The following SHANK2 variants were observed in gnomAD, a reference collection of about 807,000 sequenced individuals.
SHANK2 encodes the protein SH3 and multiple ankyrin repeat domains 2.
Under a neutral mutation model 133.7 loss-of-function variants are expected in SHANK2, and 43 were observed. The observed-to-expected ratio is 0.32, with a 90% CI of 0.25 to 0.41. The LOEUF (loss-of-function observed/expected upper bound fraction) is 0.41, where lower values mean the gene tolerates loss of function less well. SHANK2 is among the 10% of genes least tolerant of loss of function. SHANK2 has a pLI of 1.00. For missense variants in SHANK2, 1,994 were observed against 2,235.8 expected (o/e 0.89, Z 2.18); for synonymous variants, 1,017 against 952.8 (o/e 1.07, Z -1.24).
intron 21 of SHANK2, among the ~76,000 whole-genome samples, chr11:70,492,701 CCA>C (rs1157257503): frequency 2.0e-5 from 3 of 152,110 alleles, no homozygotes. Context: ...AGAAGACCCT[CCA>C]CAGCTCGGCC....
intron 14 of SHANK2, among the ~76,000 whole-genome samples, chr11:70,794,289 A>AC (rs1344629992): frequency 1.3e-5 from 2 of 151,674 alleles, no homozygotes; most frequent in East Asian, 1.9e-4. Context: ...AAAAAAAAAA[A>AC]AAAACAACAT....
At chr11:71,207,696 C>T (rs958799021) in intron 2 of SHANK2, among the ~76,000 whole-genome samples, 1 of 152,228 alleles carries the variant, frequency 6.6e-6, no homozygotes, top group Non-Finnish European at 1.5e-5. Flanking sequence ...CAGGACAGCA[C>T]TGACGCCAGG....
chr11:71,101,227 A>G (rs1359406419), intron 6 of SHANK2, among the ~76,000 whole-genome samples: 2 of 152,182 alleles, frequency 1.3e-5, no homozygotes, highest in African/African-American at 4.8e-5. Flanking sequence ...ACCCCAAGAC[A>G]GGCTCCTGTG....
At chr11:70,726,066 A>T (rs910975813) in intron 14 of SHANK2, among the ~76,000 whole-genome samples, 1 of 152,198 alleles carries the variant, frequency 6.6e-6, no homozygotes, top group Non-Finnish European at 1.5e-5. Context: ...AAGCTTCTCC[A>T]TGCTCAGCTG....
At chr11:71,239,878 C>T (rs1954867071) in intron 1 of SHANK2, among the ~76,000 whole-genome samples, 1 of 152,154 alleles carries the variant, frequency 6.6e-6, no homozygotes, top group South Asian at 2.1e-4. Flanking sequence ...CCAACCCACC[C>T]CAGGCCACTA....
chr11:70,739,864 C>T lies in SHANK2; in HGVS notation c.1778-41101G>A, dbSNP rs577565352. Among the ~76,000 whole-genome samples the T allele has an allele frequency of 2.0e-5, 3 of 152,204 alleles. No individual in the cohort carries two copies. Among genetic ancestry groups the T allele is most frequent in the Non-Finnish European group, 4.4e-5 (3 of 68,028 alleles). On this transcript the variant is annotated intron_variant, in intron 14 of 25. Transcript: ENST00000601538. This position sits in a 1 kb window ranked among gnomAD's most constrained non-coding sequence, Gnocchi z 4.3. The stretch of plus-strand genomic sequence containing the variant: ...GCACCAGGGAGGCACCCACAGAGGA[C>T]GGCCACGTGAAGACAGGCCAGAGCC...
chr11:70,613,640 T>C (rs1346658458), intron 17 of SHANK2, among the ~76,000 whole-genome samples: 2 of 152,076 alleles, frequency 1.3e-5, no homozygotes, highest in Non-Finnish European at 2.9e-5. Context: ...TCTCAGGAGG[T>C]GACCTTATTT....
chr11:70,903,391 T>TAAATA (rs61298155), intron 10 of SHANK2, among the ~76,000 whole-genome samples: 12,196 of 125,760 alleles, frequency 0.097, 958 homozygotes, highest in African/African-American at 0.19. Context: ...TAAAATAAAG[T>TAAATA]AAATAAAATA....
chr11:70,817,037 C>G (rs1342148581), intron 12 of SHANK2, among the ~76,000 whole-genome samples: 1 of 152,212 alleles, frequency 6.6e-6, no homozygotes, highest in Admixed American at 6.5e-5. Flanking sequence ...ACACTTCTGC[C>G]CCCCGAATGC....
At position 70,567,324 on chromosome 11, in the gene SHANK2, G is replaced by C. The variant is rs1281979689; in HGVS notation, c.2062-64393C>G. On this transcript the variant is annotated intron_variant, in intron 17 of 25. Coordinates refer to ENST00000601538, the MANE Select transcript of SHANK2 (RefSeq NM_012309.5). ...TGAGCCTTAATCCCGGCTGACTGGT[G>C]TCCTTATAAGAGCTGGAGATGAGGC... Among the ~76,000 whole-genome samples the C allele has an allele frequency of 2.0e-5, 3 of 152,252 alleles. No individual in the cohort carries two copies. The East Asian group carries it at 5.8e-4, about 29-fold the overall frequency.
intron 14 of SHANK2, among the ~76,000 whole-genome samples, chr11:70,717,159 C>T (rs782073803): frequency 2.0e-4 from 30 of 152,228 alleles, no homozygotes; most frequent in Non-Finnish European, 3.5e-4. Context: ...GGAGCAGGCA[C>T]GCTGCCCCAG....
At chr11:70,484,630 C>T (rs1175138698) in intron 25 of SHANK2, among the ~76,000 whole-genome samples, 5 of 152,148 alleles carry the variant, frequency 3.3e-5, no homozygotes, top group African/African-American at 9.7e-5. Flanking sequence ...CCTCTGGTTG[C>T]GTCTAGAAAT....
intron 10 of SHANK2, among the ~76,000 whole-genome samples, chr11:70,938,607 C>CA: frequency 6.6e-6 from 1 of 152,186 alleles, no homozygotes; most frequent in East Asian, 1.9e-4. Context: ...ATGTGCTGAG[C>CA]ACAGGCAGTC....
At chr11:70,938,583 G>A (rs1217689400) in intron 10 of SHANK2, among the ~76,000 whole-genome samples, 1 of 152,192 alleles carries the variant, frequency 6.6e-6, no homozygotes, top group Non-Finnish European at 1.5e-5. Flanking sequence ...ACCTGTACGG[G>A]TCAATCCTGA....
intron 15 of SHANK2, 125 bp downstream of exon 15, chr11:70,698,563 G>C (rs1945449931): frequency 2.9e-6 from 2 of 696,886 alleles, no homozygotes; most frequent in Admixed American, 4.0e-5. Flanking sequence ...TCCTAGCCCG[G>C]TAACAGGCAC....
chr11:71,078,952 C>T (rs1446297395), intron 8 of SHANK2, among the ~76,000 whole-genome samples: 2 of 152,260 alleles, frequency 1.3e-5, no homozygotes, highest in Non-Finnish European at 2.9e-5. Flanking sequence ...CACCATCCTG[C>T]CCTTGAATTC....
At position 70,866,163 on chromosome 11, in the gene SHANK2, C is replaced by T. The variant is rs536446716; in HGVS notation, c.1174+30338G>A. Among the ~76,000 whole-genome samples, 6 of 152,250 alleles carry T rather than the reference C, an allele frequency of 3.9e-5. No homozygotes were observed. The East Asian group carries it at 9.6e-4, about 24-fold the overall frequency. On this transcript the variant is annotated intron_variant, in intron 11 of 25. Transcript: ENST00000601538. The stretch of plus-strand genomic sequence containing the variant: ...CTCTCACCCCCAGGCCACCAGGGAG[C>T]GGTCTGCTGCAGTCTACACCCTCCT...
chr11:70,682,290 T>A (rs1945046106), intron 15 of SHANK2, among the ~76,000 whole-genome samples: 1 of 152,194 alleles, frequency 6.6e-6, no homozygotes, highest in African/African-American at 2.4e-5. Context: ...CACGAACCCA[T>A]GGGCATGGAA....
chr11:70,639,799 C>T (rs535685065), intron 17 of SHANK2, among the ~76,000 whole-genome samples: 11 of 152,136 alleles, frequency 7.2e-5, no homozygotes, highest in South Asian at 2.1e-4. Context: ...AGGGCCTGAG[C>T]GGACCCCCCT....
Sources: allele counts gnomAD v4.1 joint callset (sites outside exome capture counted in the v4.1 genomes callset), GRCh38; gene constraint gnomAD v4.1.1; non-coding constraint Gnocchi (gnomAD v3.1); transcripts MANE v1.5; gene names NCBI Gene and HGNC (gene_info 2026-07-23, HGNC 2026-07-21).